Variants in SYT1 observed in about 807,000 individuals in gnomAD.
SYT1 encodes synaptotagmin-1.
Under a neutral mutation model 44.8 loss-of-function variants are expected in SYT1, and 8 were observed. The ratio of observed to expected loss-of-function variants is 0.18; its 90% CI spans 0.10 to 0.32. SYT1 has a LOEUF of 0.32. Among genes scored for constraint, SYT1 ranks in the 10% least tolerant of loss-of-function variants. SYT1 has a pLI of 1.00. For synonymous variants in SYT1, 154 were observed against 188.8 expected (o/e 0.82, Z 1.51); for missense variants, 286 against 509.3 (o/e 0.56, Z 4.22).
At chr12:79,128,539 G>T (rs1868590574) in intron 3 of SYT1, among the ~76,000 whole-genome samples, 1 of 152,136 alleles carries the variant, frequency 6.6e-6, no homozygotes, top group Non-Finnish European at 1.5e-5. Context: ...TGCTTTTCAG[G>T]CATGGTGCAC....
At chr12:78,983,920 T>C (rs2137451853) in intron 2 of SYT1, among the ~76,000 whole-genome samples, 1 of 152,078 alleles carries the variant, frequency 6.6e-6, no homozygotes, top group East Asian at 1.9e-4. Flanking sequence ...ATTTGATACA[T>C]AAAGATGTGC....
At chr12:79,233,502 C>T (rs531351509) in intron 4 of SYT1, among the ~76,000 whole-genome samples, 25 of 152,298 alleles carry the variant, frequency 1.6e-4, no homozygotes, top group African/African-American at 6.0e-4. Context: ...AGCAGTTCCT[C>T]TTTTCAGCTA....
intron 8 of SYT1, among the ~76,000 whole-genome samples, chr12:79,318,961 C>T (rs1881226765): frequency 6.6e-6 from 1 of 152,134 alleles, no homozygotes; most frequent in African/African-American, 2.4e-5. Context: ...AGAAAGCAGA[C>T]TTTGAAATGC....
At chr12:79,132,833 A>G (rs1204138337) in intron 3 of SYT1, among the ~76,000 whole-genome samples, 1 of 152,184 alleles carries the variant, frequency 6.6e-6, no homozygotes, top group Admixed American at 6.5e-5. Context: ...AATAGCCAAG[A>G]TATTGAATCA....
intron 6 of SYT1, 64 bp from the exon 7 acceptor site, chr12:79,296,005 A>G: frequency 6.6e-7 from 1 of 1,518,108 alleles, no homozygotes. Flanking sequence ...CATTGTGAAC[A>G]AATCGATCTT....
chr12:78,929,376 C>T (rs1877489526), intron 1 of SYT1, among the ~76,000 whole-genome samples: 1 of 110,178 alleles, frequency 9.1e-6, no homozygotes, highest in Non-Finnish European at 1.7e-5. Flanking sequence ...TACTCCAGCT[C>T]ATCAGCCTGG....
intron 3 of SYT1, among the ~76,000 whole-genome samples, chr12:79,101,128 G>A (rs1878421274): frequency 6.6e-6 from 1 of 152,128 alleles, no homozygotes; most frequent in Non-Finnish European, 1.5e-5. Flanking sequence ...ACCTTAAAAT[G>A]TAAGGTAAGA....
intron 4 of SYT1, among the ~76,000 whole-genome samples, chr12:79,276,384 A>AG (rs1464561938): frequency 2.0e-5 from 3 of 151,950 alleles, no homozygotes; most frequent in South Asian, 4.2e-4. Context: ...ACAAAACAAA[A>AG]AAAACAGAAT....
intron 9 of SYT1, among the ~76,000 whole-genome samples, chr12:79,379,401 G>C (rs538223272): frequency 1.3e-5 from 2 of 152,236 alleles, no homozygotes; most frequent in East Asian, 3.9e-4. Flanking sequence ...TGTACCAGCT[G>C]TGTACCATTC....
intron 3 of SYT1, among the ~76,000 whole-genome samples, chr12:79,162,329 A>T (rs1262344093): frequency 6.6e-6 from 1 of 152,166 alleles, no homozygotes; most frequent in East Asian, 1.9e-4. Context: ...AATACTATGC[A>T]AGCTAAAGAA....
intron 3 of SYT1, among the ~76,000 whole-genome samples, chr12:79,071,218 G>C (rs1211452393): frequency 6.6e-6 from 1 of 152,096 alleles, no homozygotes; most frequent in Non-Finnish European, 1.5e-5. Context: ...TTATTGGCTG[G>C]AAGTGTACAG....
chr12:79,429,551 T>C (rs1565954188), intron 9 of SYT1, among the ~76,000 whole-genome samples: 2 of 151,444 alleles, frequency 1.3e-5, no homozygotes, highest in African/African-American at 2.4e-5. Flanking sequence ...TTTTTTGAGC[T>C]GGAGTCTCAC....
chr12:79,225,626 T>C (rs1875471235), intron 4 of SYT1, among the ~76,000 whole-genome samples: 1 of 152,174 alleles, frequency 6.6e-6, no homozygotes, highest in Non-Finnish European at 1.5e-5. Context: ...GAGAAATGTG[T>C]TCTAGAGAAG....
At chr12:78,958,091 T>C (rs1163486551) in intron 1 of SYT1, among the ~76,000 whole-genome samples, 1 of 152,188 alleles carries the variant, frequency 6.6e-6, no homozygotes, top group Non-Finnish European at 1.5e-5. Flanking sequence ...TTTTCATCTT[T>C]CTTTGTGAAG....
chr12:79,081,634 C>T (rs564134030), intron 3 of SYT1, among the ~76,000 whole-genome samples: 7 of 152,276 alleles, frequency 4.6e-5, no homozygotes, highest in Middle Eastern at 6.8e-3. Flanking sequence ...CCACCTTGGC[C>T]TCCCAAAGTG....
At chr12:79,112,491 A>G (rs1879067974) in intron 3 of SYT1, among the ~76,000 whole-genome samples, 1 of 152,116 alleles carries the variant, frequency 6.6e-6, no homozygotes, top group Non-Finnish European at 1.5e-5. Context: ...GAGAGTTTTG[A>G]GCAGGGGAAT....
chr12:79,383,712 G>A (rs1884318467), intron 9 of SYT1, among the ~76,000 whole-genome samples: 2 of 152,094 alleles, frequency 1.3e-5, no homozygotes, highest in African/African-American at 4.8e-5. Context: ...CTTATAGGGA[G>A]TGAATCCCTA....
At chr12:79,211,116 A>G (rs1874420508) in intron 3 of SYT1, among the ~76,000 whole-genome samples, 1 of 152,112 alleles carries the variant, frequency 6.6e-6, no homozygotes, top group Non-Finnish European at 1.5e-5. Context: ...CACAAGGCTA[A>G]CACTTTGTAA....
intron 2 of SYT1, among the ~76,000 whole-genome samples, chr12:79,033,165 T>C (rs1872927602): frequency 1.3e-5 from 2 of 151,354 alleles, no homozygotes; most frequent in African/African-American, 2.4e-5. Flanking sequence ...AGCTCATCCA[T>C]GTTATTGCTT....
Sources: gnomAD v4.1 joint callset for allele counts (sites outside exome capture counted in the v4.1 genomes callset) on GRCh38, gnomAD v4.1.1 for gene constraint, MANE v1.5 for transcripts, NCBI Gene and HGNC (gene_info 2026-07-23, HGNC 2026-07-21) for gene names.